Variants in ANKS1B observed in about 807,000 individuals in gnomAD.
ANKS1B encodes the protein ankyrin repeat and sterile alpha motif domain containing 1B, also known as ankyrin repeat and sterile alpha motif domain-containing protein 1B.
ANKS1B carries 36 observed loss-of-function variants against 148.3 expected under a neutral mutation model. That is an observed-to-expected ratio of 0.24 (90% CI 0.19 to 0.32). ANKS1B has a LOEUF of 0.32. ANKS1B is among the 10% of genes least tolerant of loss of function. ANKS1B has a pLI of 1.00. For synonymous variants in ANKS1B, 542 were observed against 560.8 expected, an observed-to-expected ratio of 0.97 and a Z score of 0.47; for missense variants, 1,157 against 1,542.6, an observed-to-expected ratio of 0.75 and a Z score of 4.19.
At chr12:99,924,638 G>A (rs1000454983) in intron 1 of ANKS1B, among the ~76,000 whole-genome samples, 6 of 152,058 alleles carry the variant, frequency 3.9e-5, no homozygotes, top group South Asian at 2.1e-4. Context: ...AAGCCCTCAC[G>A]AATGGCATTA....
chr12:98,930,558 A>G (rs1213129190), intron 17 of ANKS1B, among the ~76,000 whole-genome samples: 1 of 152,216 alleles, frequency 6.6e-6, no homozygotes, highest in African/African-American at 2.4e-5. Flanking sequence ...ATGAATGGAT[A>G]CATAACTGTG....
At chr12:99,107,909 G>T (rs1358597409) in intron 15 of ANKS1B, among the ~76,000 whole-genome samples, 2 of 100,036 alleles carry the variant, frequency 2.0e-5, no homozygotes, top group African/African-American at 2.9e-5. Flanking sequence ...TTAAAACAAA[G>T]ATTTTTTTAA....
intron 9 of ANKS1B, among the ~76,000 whole-genome samples, chr12:99,553,631 A>G (rs1379066867): frequency 6.6e-6 from 1 of 152,224 alleles, no homozygotes; most frequent in East Asian, 1.9e-4. Flanking sequence ...ATAAAACTTT[A>G]CTTACACAAA....
chr12:99,125,801 G>A (rs1311526390), intron 15 of ANKS1B, among the ~76,000 whole-genome samples: 1 of 151,910 alleles, frequency 6.6e-6, no homozygotes, highest in African/African-American at 2.4e-5. Flanking sequence ...ATAAGAAGAA[G>A]AATCTGGGCC....
chr12:99,100,228 C>T (rs1199764449), intron 15 of ANKS1B, among the ~76,000 whole-genome samples: 1 of 152,160 alleles, frequency 6.6e-6, no homozygotes, highest in Non-Finnish European at 1.5e-5. Context: ...AATTAGAGAT[C>T]ATTTCCATTT....
At chr12:99,343,362 C>T (rs928964935) in intron 12 of ANKS1B, among the ~76,000 whole-genome samples, 3 of 152,048 alleles carry the variant, frequency 2.0e-5, no homozygotes, top group Non-Finnish European at 4.4e-5. Flanking sequence ...TTTTTTTACA[C>T]ATATATCTGA....
chr12:98,890,552 T>C (rs1369098722), intron 17 of ANKS1B, among the ~76,000 whole-genome samples: 1 of 152,214 alleles, frequency 6.6e-6, no homozygotes, highest in Non-Finnish European at 1.5e-5. Context: ...AACTACAACA[T>C]GGTCTTGATG....
chr12:99,454,922 G>A (rs1020337314), intron 10 of ANKS1B, among the ~76,000 whole-genome samples: 1 of 152,118 alleles, frequency 6.6e-6, no homozygotes, highest in Admixed American at 6.5e-5. Context: ...TTACTTTTAT[G>A]GACTAAATGT....
exon 10 of ANKS1B, chr12:98,734,944 C>T (rs923798637): frequency 8.5e-5 from 31 of 365,480 alleles, no homozygotes; most frequent in African/African-American, 6.5e-4. Flanking sequence ...TTGAATGGCC[C>T]TTGTCTTAAA....
intron 8 of ANKS1B, among the ~76,000 whole-genome samples, chr12:99,709,946 G>T (rs1189048850): frequency 6.6e-6 from 1 of 151,998 alleles, no homozygotes; most frequent in Non-Finnish European, 1.5e-5. Flanking sequence ...CCATAAAATG[G>T]GTTTGACAAC....
rs370344497 is a variant in ANKS1B, at chr12:99,756,438, CA to C, written c.1128+16483del. ...CTGCACAAAGAAATCAGAGATGACA[CA>C]AACAAAAATAAATTCCATGCTAATG... On this transcript the variant is annotated intron_variant, in intron 8 of 26. Coordinates refer to ENST00000683438, the MANE Select transcript of ANKS1B (RefSeq NM_001352186.2). Among the ~76,000 whole-genome samples the C allele has an allele frequency of 8.0e-3, 1,212 of 151,938 alleles. 16 individuals are homozygous for C. Among genetic ancestry groups the C allele is most frequent in the African/African-American group, 0.028 (1,153 of 41,462 alleles).
At chr12:99,854,869 G>T (rs1163906213) in intron 1 of ANKS1B, among the ~76,000 whole-genome samples, 1 of 151,938 alleles carries the variant, frequency 6.6e-6, no homozygotes, top group African/African-American at 2.4e-5. Context: ...CCACTACCAA[G>T]CCAGCACTAA....
intron 14 of ANKS1B, among the ~76,000 whole-genome samples, chr12:99,242,633 C>T (rs2089554376): frequency 6.6e-6 from 1 of 152,306 alleles, no homozygotes; most frequent in African/African-American, 2.4e-5. Flanking sequence ...TGCTATCTGA[C>T]TTCAAATTAT....
At chr12:99,767,290 C>G (rs1009779458) in intron 8 of ANKS1B, among the ~76,000 whole-genome samples, 5 of 151,998 alleles carry the variant, frequency 3.3e-5, no homozygotes, top group African/African-American at 1.2e-4. Flanking sequence ...AAACCAAAAG[C>G]TTTAGATGCT....
chr12:99,822,404 C>G (rs1039801803), intron 2 of ANKS1B, among the ~76,000 whole-genome samples: 1 of 152,132 alleles, frequency 6.6e-6, no homozygotes, highest in Admixed American at 6.5e-5. Context: ...TATCCCATCA[C>G]CTTGATACTG....
rs1472621531 is a variant in ANKS1B at position 99,984,377 on chromosome 12, G to A, written c.-140C>T. Reference sequence around the variant, plus strand: ...GCTTCAGCACGGAGAGCTCCCTGCAGCCCCAGGCAGGGAGCACGACTCTCT... The same window carrying A: ...GCTTCAGCACGGAGAGCTCCCTGCAACCCCAGGCAGGGAGCACGACTCTCT... On this transcript the variant is annotated 5_prime_UTR_variant, in exon 1 of 27. Transcript: ENST00000683438. 7.8e-6 allele frequency: 3 copies of A among 383,302 alleles called. No individual in the cohort carries two copies. Among genetic ancestry groups the A allele is most frequent in the Non-Finnish European group, 1.4e-5 (3 of 213,388 alleles). The allele number at this position is 383,302 out of a possible 1,614,324, so 23.7% of individuals were successfully genotyped here.
At chr12:99,901,015 A>G (rs1342538771) in intron 1 of ANKS1B, among the ~76,000 whole-genome samples, 3 of 152,168 alleles carry the variant, frequency 2.0e-5, no homozygotes, top group Non-Finnish European at 4.4e-5. Context: ...TAGAAAAGCA[A>G]ATTGTCTTTG....
chr12:98,887,733 G>A (rs764878376), intron 17 of ANKS1B, among the ~76,000 whole-genome samples: 3 of 151,824 alleles, frequency 2.0e-5, no homozygotes, highest in Non-Finnish European at 4.4e-5. Flanking sequence ...TCAGCCTCCT[G>A]AGTAGTTGGG....
chr12:99,407,198 T>C (rs979839767), intron 11 of ANKS1B, among the ~76,000 whole-genome samples: 2 of 145,934 alleles, frequency 1.4e-5, no homozygotes, highest in Non-Finnish European at 3.0e-5. Context: ...GGGGAATTTA[T>C]CCCAGGGATG....
Sources: allele counts gnomAD v4.1 joint callset (sites outside exome capture counted in the v4.1 genomes callset), GRCh38; gene constraint gnomAD v4.1.1; transcripts MANE v1.5; gene names NCBI Gene and HGNC (gene_info 2026-07-23, HGNC 2026-07-21).